The following SLC2A9 variants were observed in gnomAD, a reference collection of about 807,000 sequenced individuals.
The protein encoded by SLC2A9 is solute carrier family 2 member 9, also known as solute carrier family 2, facilitated glucose transporter member 9.
SLC2A9 carries 39 observed loss-of-function variants against 50.6 expected under a neutral mutation model. The observed-to-expected ratio is 0.77, with a 90% CI of 0.60 to 1.01. SLC2A9 has a LOEUF of 1.01. Ranked by LOEUF, SLC2A9 falls within the 50% of genes least tolerant of loss-of-function variation. The pLI is 0.00. For missense variants in SLC2A9, 686 were observed against 677.6 expected (o/e 1.01, Z -0.14); for synonymous variants, 324 against 276.9 (o/e 1.17, Z -1.69).
intron 10 of SLC2A9, among the ~76,000 whole-genome samples, chr4:9,836,088 C>CAAAAAAAAA (rs35303241): frequency 3.7e-4 from 18 of 48,182 alleles, no homozygotes; most frequent in African/African-American, 8.8e-4. Context: ...AACTCCCTCT[C>CAAAAAAAAA]AAAAAAAAAA....
At chr4:9,984,421 TGAGAGAGACAGAGAGAGA>T (rs1213554505) in intron 4 of SLC2A9, among the ~76,000 whole-genome samples, 1 of 152,032 alleles carries the variant, frequency 6.6e-6, no homozygotes, top group Non-Finnish European at 1.5e-5. Context: ...TGTGTGTGTG[TGAGAGAGACAGAGAGAGA>T]GAGAGAGACA....
intron 3 of SLC2A9, among the ~76,000 whole-genome samples, chr4:9,788,941 G>C (rs1719558156): frequency 6.6e-6 from 1 of 152,146 alleles, no homozygotes; most frequent in South Asian, 2.1e-4. Flanking sequence ...TCAAGATGTG[G>C]GCACTAGGGT....
intron 10 of SLC2A9, among the ~76,000 whole-genome samples, chr4:9,861,159 G>A (rs1408125668): frequency 1.3e-5 from 2 of 152,218 alleles, no homozygotes; most frequent in East Asian, 1.9e-4. Context: ...CCAACAGGTT[G>A]TACAGGAAGC....
intron 3 of SLC2A9, among the ~76,000 whole-genome samples, chr4:9,811,175 A>C (rs1722844287): frequency 1.3e-5 from 2 of 152,090 alleles, no homozygotes; most frequent in South Asian, 2.1e-4. Context: ...GCCAATACAA[A>C]TCTTCGTGAG....
intron 6 of SLC2A9, among the ~76,000 whole-genome samples, chr4:9,930,491 CTCCTGTCCTCACAG>C (rs1029812370): frequency 6.6e-6 from 1 of 152,204 alleles, no homozygotes; most frequent in Non-Finnish European, 1.5e-5. Context: ...CCTGTGCTGG[CTCCTGTCCTCACAG>C]TCCTGTCAGC....
At chr4:10,021,517 G>A, upstream of SLC2A9, 3 of 1,589,414 alleles carry the variant, frequency 1.9e-6, no homozygotes, top group Non-Finnish European at 2.6e-6. Context: ...GAGTCCACTG[G>A]AAGGAGGGCG....
chr4:9,980,634 C>T lies in SLC2A9; in HGVS notation c.639G>A (p.Val213=). The T allele has an allele frequency of 6.2e-7, 1 of 1,614,214 alleles. No homozygotes were observed. ...QVTAIFICIG[V]FTGQLLGLPE... ...GCAGGCCCAGAAGCTGCCCAGTGAA[C>T]ACGCCAATGCAGATAAAGATGGCAG... The change falls in exon 5 of 12, where the codon GTG becomes GTA. Residue 213 remains valine, a synonymous_variant. Coordinates refer to ENST00000264784, the MANE Select transcript of SLC2A9 (RefSeq NM_020041.3).
At position 9,881,936 on chromosome 4, in the gene SLC2A9, C is replaced by T. The variant is rs796886575; in HGVS notation, c.1291+5631G>A. On this transcript the variant is annotated intron_variant, in intron 10 of 11. Coordinates refer to ENST00000264784, the MANE Select transcript of SLC2A9 (RefSeq NM_020041.3). Reference sequence around the variant, plus strand: ...CTGAAGTCATTCCCATGTTGTGTTCCGCCTCAGTTAATTGTGAAGATCTGC... The same window carrying T: ...CTGAAGTCATTCCCATGTTGTGTTCTGCCTCAGTTAATTGTGAAGATCTGC... Among the ~76,000 whole-genome samples, 6 of 152,168 alleles carry T rather than the reference C, an allele frequency of 3.9e-5. No homozygotes were observed. In the East Asian group the frequency reaches 7.7e-4, roughly 20 times the overall value.
intron 2 of SLC2A9, among the ~76,000 whole-genome samples, chr4:10,005,247 G>A (rs1760575684): frequency 6.6e-6 from 1 of 152,228 alleles, no homozygotes; most frequent in Non-Finnish European, 1.5e-5. Context: ...GACGGAGTGG[G>A]CTCAGTTACA....
downstream of SLC2A9, among the ~76,000 whole-genome samples, chr4:9,824,920 A>AGTGCATTGAGTTG (rs1724900219): frequency 6.6e-6 from 1 of 152,186 alleles, no homozygotes. Flanking sequence ...TGGATGGCAT[A>AGTGCATTGAGTTG]GTGCATTGAG....
chr4:9,778,045 TTTCTTTCTTTCCTTCC>T (rs1377235289), downstream of SLC2A9, among the ~76,000 whole-genome samples: 7 of 21,894 alleles, frequency 3.2e-4, no homozygotes, highest in South Asian at 1.0e-3. Context: ...ATTTTCTTTC[TTTCTTTCTTTCCTTCC>T]TTCCTTCCTT....
intron 3 of SLC2A9, among the ~76,000 whole-genome samples, chr4:9,793,222 T>A: frequency 6.6e-6 from 1 of 152,216 alleles, no homozygotes; most frequent in African/African-American, 2.4e-5. Context: ...AAATTTGAAA[T>A]CTGGCTAGAG....
downstream of SLC2A9, chr4:9,771,101 C>T (rs1160423546): frequency 6.0e-6 from 1 of 166,638 alleles, no homozygotes. Flanking sequence ...GTTTATAAAC[C>T]ACAATCTGGA....
intron 10 of SLC2A9, chr4:9,880,121 G>A (rs1261340535): frequency 1.0e-6 from 1 of 985,384 alleles, no homozygotes; most frequent in East Asian, 1.1e-4. Context: ...GCTCCCCTGG[G>A]GACTTGCTCT....
chr4:10,030,237 G>GT (rs1290004722), intron 1 of SLC2A9, among the ~76,000 whole-genome samples: 5 of 152,286 alleles, frequency 3.3e-5, no homozygotes, highest in Admixed American at 1.3e-4. Flanking sequence ...CAGAAAACTG[G>GT]TAAGTAGGTG....
intron 6 of SLC2A9, among the ~76,000 whole-genome samples, chr4:9,939,810 C>T (rs7675964): frequency 0.39 from 59,135 of 151,932 alleles, 12,742 homozygotes; most frequent in African/African-American, 0.56. Flanking sequence ...ACCACTGTCT[C>T]ACCCTGTCAC....
At chr4:9,906,373 G>A (rs766851308) in intron 8 of SLC2A9, among the ~76,000 whole-genome samples, 13 of 152,116 alleles carry the variant, frequency 8.5e-5, no homozygotes, top group Non-Finnish European at 1.2e-4. Flanking sequence ...AGGATAAATC[G>A]TTCAGCACTA....
At chr4:9,806,951 C>T (rs1048067074) in intron 3 of SLC2A9, among the ~76,000 whole-genome samples, 8 of 152,174 alleles carry the variant, frequency 5.3e-5, no homozygotes, top group African/African-American at 7.2e-5. Context: ...CCAAACTCAT[C>T]GATTTCCTCC....
chr4:9,905,963 C>A (rs533065193), intron 8 of SLC2A9, among the ~76,000 whole-genome samples: 1 of 152,312 alleles, frequency 6.6e-6, no homozygotes, highest in African/African-American at 2.4e-5. Flanking sequence ...CAAAAGATAG[C>A]AAGACCCCCT....
Sources: allele counts gnomAD v4.1 joint callset (sites outside exome capture counted in the v4.1 genomes callset), GRCh38; gene constraint gnomAD v4.1.1; transcripts MANE v1.5; gene names NCBI Gene and HGNC (gene_info 2026-07-23, HGNC 2026-07-21).